The following ITGA8 variants were observed in gnomAD, a reference collection of about 807,000 sequenced individuals.
ITGA8 encodes integrin alpha-8.
ITGA8 carries 91 observed loss-of-function variants against 142.3 expected under a neutral mutation model. That is an observed-to-expected ratio of 0.64 (90% CI 0.54 to 0.76). ITGA8 has a LOEUF of 0.76. ITGA8 is among the 30% of genes least tolerant of loss of function. The pLI, the probability that ITGA8 is intolerant of heterozygous loss-of-function variation, is 0.00. For missense variants in ITGA8, 1,406 were observed against 1,327.7 expected (o/e 1.06, Z -0.92); for synonymous variants, 505 against 485.2 (o/e 1.04, Z -0.54).
Position 15,718,787 on chromosome 10 carries a change from G to A in ITGA8, c.322C>T (p.Gln108Ter). Reference protein sequence around the residue: ...WPAEGSAQCRQIPFDTTNNRK... With the variant: ...WPAEGSAQCR ...TTACTGGTGGTGTCAAACGGTATCT[G>A]CCTGCACTGCGCAGACCCCTCCGCG... Residue 108 changes from glutamine to a stop codon, truncating the protein, a stop_gained, in exon 2 of 30, where the codon CAG (glutamine) becomes TAG (stop). Coordinates refer to ENST00000378076, the MANE Select transcript of ITGA8 (RefSeq NM_003638.3). LOFTEE classifies it high-confidence loss of function. 6.2e-7 allele frequency: 1 copy of A among 1,614,132 alleles called. No homozygotes were observed. Among genetic ancestry groups the A allele is most frequent in the Non-Finnish European group, 8.5e-7 (1 of 1,180,030 alleles).
chr10:15,548,353 A>C, intron 27 of ITGA8, 102 bp downstream of exon 27: 1 of 788,222 alleles, frequency 1.3e-6, no homozygotes, highest in South Asian at 1.6e-5. Context: ...TCGGACTTCC[A>C]CAGTGTTAAA....
chr10:15,536,172 C>T (rs1047453580), intron 27 of ITGA8, among the ~76,000 whole-genome samples: 7 of 152,160 alleles, frequency 4.6e-5, no homozygotes, highest in Non-Finnish European at 1.0e-4. Context: ...AGACCAAGAA[C>T]CCACCAATTC....
chr10:15,630,408 T>C (rs1406675956), intron 13 of ITGA8, among the ~76,000 whole-genome samples: 2 of 152,100 alleles, frequency 1.3e-5, no homozygotes, highest in Non-Finnish European at 2.9e-5. Context: ...CCTTGGGCAT[T>C]AGGATTTCGC....
chr10:15,537,044 G>A (rs1833455427), intron 27 of ITGA8, among the ~76,000 whole-genome samples: 2 of 152,280 alleles, frequency 1.3e-5, no homozygotes, highest in African/African-American at 4.8e-5. Context: ...CACCTGTAAA[G>A]GAAATTTCTA....
intron 9 of ITGA8, among the ~76,000 whole-genome samples, 196 bp downstream of exon 9, chr10:15,660,683 T>C (rs1489876357): frequency 6.6e-6 from 1 of 152,166 alleles, no homozygotes; most frequent in Non-Finnish European, 1.5e-5. Flanking sequence ...TTTGCCTAAG[T>C]GTGGGCTAAT....
intron 13 of ITGA8, among the ~76,000 whole-genome samples, chr10:15,642,043 G>T (rs1221174342): frequency 2.6e-5 from 4 of 152,092 alleles, no homozygotes; most frequent in Non-Finnish European, 5.9e-5. Flanking sequence ...CAGGAGGACC[G>T]CTTGAACCCA....
At chr10:15,546,397 G>C (rs1833669138) in intron 27 of ITGA8, among the ~76,000 whole-genome samples, 1 of 152,228 alleles carries the variant, frequency 6.6e-6, no homozygotes, top group Non-Finnish European at 1.5e-5. Flanking sequence ...GAATGAATAT[G>C]TAAAGGTTTG....
intron 8 of ITGA8, 60 bp from the exon 9 acceptor site, chr10:15,660,982 C>G: frequency 1.4e-6 from 2 of 1,381,300 alleles, no homozygotes; most frequent in Non-Finnish European, 1.0e-6. Flanking sequence ...CACACACACA[C>G]ACGCCATATA....
intron 20 of ITGA8, among the ~76,000 whole-genome samples, chr10:15,600,251 T>G (rs548450801): frequency 2.9e-4 from 43 of 149,166 alleles, no homozygotes; most frequent in Non-Finnish European, 5.5e-4. Flanking sequence ...CTAATGCTAT[T>G]AAAAAAAAAA....
chr10:15,657,560 C>A (rs1179337685), intron 10 of ITGA8, among the ~76,000 whole-genome samples: 1 of 127,394 alleles, frequency 7.8e-6, no homozygotes, highest in Non-Finnish European at 1.6e-5. Context: ...ACTATGTTGC[C>A]CAGGCTGGTC....
intron 13 of ITGA8, among the ~76,000 whole-genome samples, chr10:15,640,087 G>A (rs1051747764): frequency 6.6e-6 from 1 of 152,136 alleles, no homozygotes; most frequent in African/African-American, 2.4e-5. Context: ...TAGAGGGCTG[G>A]GCAAGAGAAC....
At chr10:15,538,442 A>G (rs150552051) in intron 27 of ITGA8, among the ~76,000 whole-genome samples, 33 of 148,042 alleles carry the variant, frequency 2.2e-4, no homozygotes, top group African/African-American at 7.5e-4. Flanking sequence ...AACCCGGGAG[A>G]CGATGGTTGC....
At chr10:15,548,969 C>A (rs929319291) in intron 26 of ITGA8, among the ~76,000 whole-genome samples, 1 of 152,072 alleles carries the variant, frequency 6.6e-6, no homozygotes, top group African/African-American at 2.4e-5. Context: ...AGTTACTGAC[C>A]GATTGACATA....
chr10:15,549,127 T>G (rs1315028289), intron 26 of ITGA8, among the ~76,000 whole-genome samples: 1 of 151,996 alleles, frequency 6.6e-6, no homozygotes, highest in African/African-American at 2.4e-5. Context: ...GAAATGTGTG[T>G]TCCTCAAAAG....
intron 22 of ITGA8, among the ~76,000 whole-genome samples, chr10:15,590,092 A>G (rs1564364374): frequency 6.6e-6 from 1 of 152,188 alleles, no homozygotes; most frequent in Non-Finnish European, 1.5e-5. Flanking sequence ...TTTTATATGT[A>G]TAATACATGT....
At chr10:15,623,120 A>G (rs1052143648) in intron 13 of ITGA8, among the ~76,000 whole-genome samples, 1 of 147,232 alleles carries the variant, frequency 6.8e-6, no homozygotes, top group South Asian at 2.1e-4. Context: ...ACAGTTGTGT[A>G]AAGATAGATC....
At chr10:15,658,506 T>G (rs1285112283) in intron 10 of ITGA8, among the ~76,000 whole-genome samples, 1 of 149,722 alleles carries the variant, frequency 6.7e-6, no homozygotes, top group East Asian at 2.1e-4. Context: ...TGGCCTTCAC[T>G]CTGCTCTTCA....
chr10:15,646,060 T>A (rs1009155180), intron 12 of ITGA8, among the ~76,000 whole-genome samples: 1 of 152,198 alleles, frequency 6.6e-6, no homozygotes, highest in African/African-American at 2.4e-5. Flanking sequence ...TCTTGACATA[T>A]AGAAGGTTTC....
intron 25 of ITGA8, among the ~76,000 whole-genome samples, chr10:15,571,482 T>A (rs1385129852): frequency 1.3e-5 from 2 of 152,260 alleles, no homozygotes; most frequent in Admixed American, 1.3e-4. Context: ...TTATGCTAAT[T>A]AATTTCTTTC....
Sources: allele counts gnomAD v4.1 joint callset (sites outside exome capture counted in the v4.1 genomes callset), GRCh38; gene constraint gnomAD v4.1.1; transcripts MANE v1.5; gene names NCBI Gene and HGNC (gene_info 2026-07-23, HGNC 2026-07-21).